Variants in NNMT observed in about 807,000 individuals in gnomAD.
The protein encoded by NNMT is nicotinamide N-methyltransferase.
In NNMT, 10 loss-of-function variants were observed where a neutral mutation model predicts 11.7. That is an observed-to-expected ratio of 0.85 (90% CI 0.53 to 1.45). The LOEUF (loss-of-function observed/expected upper bound fraction) is 1.45, where lower values mean the gene tolerates loss of function less well. Among genes scored for constraint, NNMT ranks in the 40% most tolerant of loss-of-function variants. NNMT has a pLI of 0.00. For missense variants in NNMT, 381 were observed against 319.4 expected, an observed-to-expected ratio of 1.19 and a Z score of -1.47; for synonymous variants, 143 against 133.8, an observed-to-expected ratio of 1.07 and a Z score of -0.48.
At chr11:114,279,632 A>C (rs1945244089) in intron 2 of NNMT, among the ~76,000 whole-genome samples, 1 of 152,196 alleles carries the variant, frequency 6.6e-6, no homozygotes, top group Admixed American at 6.5e-5. Context: ...CATTTGGCTC[A>C]AGGGTGGGCT....
At chr11:114,279,246 A>G (rs567790490) in intron 2 of NNMT, among the ~76,000 whole-genome samples, 11 of 152,312 alleles carry the variant, frequency 7.2e-5, no homozygotes, top group Middle Eastern at 3.4e-3. Flanking sequence ...CACTGAATTT[A>G]TTAAAAAACA....
At chr11:114,312,021 T>C (rs959424649) in intron 2 of NNMT, 24 bp from the exon 3 acceptor site, 4 of 1,528,744 alleles carry the variant, frequency 2.6e-6, no homozygotes, top group African/African-American at 1.4e-5. Context: ...TGGAAAACAA[T>C]GTCTGTGGGT....
chr11:114,304,301 A>T (rs1295961052), intron 2 of NNMT, among the ~76,000 whole-genome samples: 1 of 152,208 alleles, frequency 6.6e-6, no homozygotes, highest in East Asian at 1.9e-4. Context: ...CGGCCTTTCC[A>T]TCTCATTCAA....
intron 2 of NNMT, among the ~76,000 whole-genome samples, chr11:114,301,224 C>T (rs1237070512): frequency 6.6e-6 from 1 of 152,174 alleles, no homozygotes; most frequent in Admixed American, 6.5e-5. Context: ...CTAGCAGTTG[C>T]ACTCCTTGGT....
intron 2 of NNMT, among the ~76,000 whole-genome samples, chr11:114,266,642 T>C (rs1234959144): frequency 6.6e-6 from 1 of 151,710 alleles, no homozygotes; most frequent in Non-Finnish European, 1.5e-5. Flanking sequence ...GACCATCTGC[T>C]ATGGTTTGAA....
chr11:114,295,419 C>CCT (rs1945365994), upstream of NNMT, among the ~76,000 whole-genome samples: 1 of 85,048 alleles, frequency 1.2e-5, no homozygotes, highest in African/African-American at 4.7e-5. Context: ...TTAAAGAATT[C>CCT]TTTTTTTTTT....
At position 114,297,954 on chromosome 11, in the gene NNMT, G is replaced by A. The variant is rs778308257; in HGVS notation, c.158G>A (p.Gly53Asp). The A allele has an allele frequency of 1.9e-6, 3 of 1,612,398 alleles. No homozygotes were observed. The highest frequency in any genetic ancestry group is 2.2e-5 in the South Asian group (2 of 91,020). The change falls in exon 2 of 3, where the codon GGT (glycine) becomes GAT (aspartate). Residue 53 changes from glycine to aspartate, a missense_variant. Gly to Asp is a moderately conservative substitution (Grantham distance 94). Coordinates refer to ENST00000299964, the MANE Select transcript of NNMT (RefSeq NM_006169.3). ...KNLFKIFCLD[G>D]VKGDLLIDIG... is the part of the protein sequence containing the mutation. ...TTTGTTCCTCCCACTAATCCAGACG[G>A]TGTGAAGGGAGACCTGCTGATTGAC... is the stretch of plus-strand genomic sequence containing the variant.
chr11:114,282,898 T>C (rs954683292), intron 2 of NNMT, among the ~76,000 whole-genome samples: 5 of 152,246 alleles, frequency 3.3e-5, no homozygotes, highest in Admixed American at 1.3e-4. Context: ...TCACTTAGCT[T>C]ATCTCACTGA....
At chr11:114,308,149 T>G (rs1945509671) in intron 2 of NNMT, among the ~76,000 whole-genome samples, 2 of 152,218 alleles carry the variant, frequency 1.3e-5, no homozygotes, top group Admixed American at 1.3e-4. Context: ...CTTTTCAGAC[T>G]TTTCCTCCTA....
chr11:114,298,001 T>A lies in NNMT; in HGVS notation c.205T>A (p.Tyr69Asn), dbSNP rs754362218. 6.2e-7 allele frequency: 1 copy of A among 1,613,820 alleles called. No homozygotes were observed. Among genetic ancestry groups the A allele is most frequent in the South Asian group, 1.1e-5 (1 of 91,066 alleles). ...LIDIGSGPTI[Y>N]QLLSACESFK... Reference sequence around the variant, plus strand: ...TGACATCGGCTCTGGCCCCACTATCTATCAGCTCCTCTCTGCTTGTGAATC... The same window carrying A: ...TGACATCGGCTCTGGCCCCACTATCAATCAGCTCCTCTCTGCTTGTGAATC... Residue 69 changes from tyrosine (Y) to asparagine (N), a missense_variant, in exon 2 of 3, where the codon TAT (tyrosine) becomes AAT (asparagine). Transcript: ENST00000299964.
chr11:114,276,107 G>GGGGGGGC (rs1945211261), intron 2 of NNMT, among the ~76,000 whole-genome samples: 1 of 142,370 alleles, frequency 7.0e-6, no homozygotes, highest in African/African-American at 2.7e-5. Context: ...GTTTCAGGCT[G>GGGGGGGC]CCCCCCCACC....
chr11:114,308,008 G>A (rs1298447609), intron 2 of NNMT, among the ~76,000 whole-genome samples: 4 of 151,788 alleles, frequency 2.6e-5, no homozygotes, highest in African/African-American at 7.3e-5. Context: ...CCACCCACCC[G>A]TCTACAATCT....
At chr11:114,282,866 C>G (rs535418788) in intron 2 of NNMT, among the ~76,000 whole-genome samples, 2 of 152,346 alleles carry the variant, frequency 1.3e-5, no homozygotes, top group African/African-American at 4.8e-5. Context: ...TGTTAAGCCA[C>G]TGAGGTTTGA....
In NNMT at chr11:114,312,645, AC is replaced by A. The variant is rs1945564995; in HGVS notation, c.*169del. On this transcript the variant is annotated 3_prime_UTR_variant, in exon 3 of 3. Transcript: ENST00000299964. ...TCTACAAGCAATCCATTGACCACTT[AC>A]TTGGTGCTGCACACAAATGTTGGTG... 1.6e-6 allele frequency: 1 copy of A among 621,854 alleles called. No homozygotes were observed. Among genetic ancestry groups the A allele is most frequent in the Non-Finnish European group, 2.8e-6 (1 of 360,224 alleles). The allele number at this position is 621,854 out of a possible 1,614,324, so 38.5% of individuals were successfully genotyped here.
chr11:114,263,021 C>A (rs747890072), intron 2 of NNMT: 5 of 152,174 alleles, frequency 3.3e-5, no homozygotes, highest in Non-Finnish European at 7.3e-5. Flanking sequence ...TGGCCCTCAC[C>A]AGCTCAACTT....
intron 2 of NNMT, among the ~76,000 whole-genome samples, chr11:114,273,191 G>A (rs750345245): frequency 1.3e-5 from 2 of 152,212 alleles, no homozygotes; most frequent in African/African-American, 2.4e-5. Context: ...ATTTCCAGGT[G>A]CTCTGCCATC....
chr11:114,302,832 C>A (rs1338015127), intron 2 of NNMT, among the ~76,000 whole-genome samples: 1 of 152,064 alleles, frequency 6.6e-6, no homozygotes, highest in African/African-American at 2.4e-5. Context: ...GAGGTGGAGA[C>A]TTCATGAATG....
chr11:114,266,063 T>C (rs998923962), intron 2 of NNMT, among the ~76,000 whole-genome samples: 1 of 152,098 alleles, frequency 6.6e-6, no homozygotes, highest in African/African-American at 2.4e-5. Context: ...GCAGGTAGCT[T>C]TCCTATATCC....
chr11:114,260,053 G>A (rs1296037389), intron 1 of NNMT, among the ~76,000 whole-genome samples: 1 of 152,150 alleles, frequency 6.6e-6, no homozygotes, highest in Non-Finnish European at 1.5e-5. Flanking sequence ...CTGACTCTAT[G>A]ACAGAGTGGG....
Sources: allele counts gnomAD v4.1 joint callset (sites outside exome capture counted in the v4.1 genomes callset), GRCh38; gene constraint gnomAD v4.1.1; transcripts MANE v1.5; gene names NCBI Gene and HGNC (gene_info 2026-07-23, HGNC 2026-07-21).